MITF: variants seen among roughly 807,000 people sequenced by gnomAD.
MITF encodes the protein microphthalmia-associated transcription factor.
Under a neutral mutation model 60.5 loss-of-function variants are expected in MITF, and 17 were observed. The observed-to-expected ratio is 0.28, with a 90% CI of 0.19 to 0.42. The LOEUF (loss-of-function observed/expected upper bound fraction) is 0.42, where lower values mean the gene tolerates loss of function less well. Ranked by LOEUF, MITF falls within the 10% of genes least tolerant of loss-of-function variation. The probability of loss-of-function intolerance (pLI) is 1.00; values close to 1 mark genes in which losing one functional copy is unlikely to be tolerated. For missense variants in MITF, 622 were observed against 683.5 expected, an observed-to-expected ratio of 0.91 and a Z score of 1.00; for synonymous variants, 260 against 248.5, an observed-to-expected ratio of 1.05 and a Z score of -0.43.
chr3:69,949,440 T>A (rs1441096605), intron 6 of MITF, among the ~76,000 whole-genome samples: 1 of 151,976 alleles, frequency 6.6e-6, no homozygotes, highest in Non-Finnish European at 1.5e-5. Flanking sequence ...GTGTGTGTGG[T>A]GAAGGTCCCC....
At position 69,880,841 on chromosome 3, in the gene MITF, C is replaced by G. The variant is rs75402008; in HGVS notation, c.354+1458C>G. Among the ~76,000 whole-genome samples the G allele has an allele frequency of 8.2e-4, 124 of 151,916 alleles. 1 individual carries two copies. The East Asian group carries it at 0.022, about 27-fold the overall frequency. The stretch of plus-strand genomic sequence containing the variant: ...TATTTTATTCATCATAATAGTTCAC[C>G]TTTATAATCTGTAGGGCAAATTTTA... On this transcript the variant is annotated intron_variant, in intron 2 of 9. Transcript: ENST00000352241.
intron 1 of MITF, among the ~76,000 whole-genome samples, chr3:69,865,946 C>T (rs1309626200): frequency 6.6e-6 from 1 of 152,190 alleles, no homozygotes; most frequent in Non-Finnish European, 1.5e-5. Flanking sequence ...TAATAATGTG[C>T]AGTCTCTGCA....
At chr3:69,796,568 G>A (rs1225539200) in intron 1 of MITF, among the ~76,000 whole-genome samples, 1 of 137,076 alleles carries the variant, frequency 7.3e-6, no homozygotes, top group Admixed American at 7.7e-5. Flanking sequence ...CTGCAGTGGC[G>A]CAATCTCGGC....
chr3:69,756,604 C>T (rs987025485), intron 1 of MITF, among the ~76,000 whole-genome samples: 5 of 152,070 alleles, frequency 3.3e-5, no homozygotes, highest in African/African-American at 1.2e-4. Context: ...TACATGTACA[C>T]GTGTCTTTAT....
At chr3:69,817,029 A>G (rs2063192536) in intron 1 of MITF, among the ~76,000 whole-genome samples, 1 of 152,198 alleles carries the variant, frequency 6.6e-6, no homozygotes, top group Non-Finnish European at 1.5e-5. Flanking sequence ...AGAAAAATTC[A>G]TTGATGACTT....
chr3:69,895,461 A>G (rs1477482141), intron 2 of MITF, among the ~76,000 whole-genome samples: 1 of 152,220 alleles, frequency 6.6e-6, no homozygotes, highest in African/African-American at 2.4e-5. Flanking sequence ...CTTATTCAGA[A>G]TAGATGGCGA....
intron 1 of MITF, among the ~76,000 whole-genome samples, chr3:69,806,432 TC>T (rs1259355375): frequency 5.3e-5 from 8 of 152,134 alleles, no homozygotes; most frequent in Non-Finnish European, 1.2e-4. Context: ...AATGAGGAAT[TC>T]ATTTGATAAT....
At chr3:69,855,274 A>T (rs541595190) in intron 1 of MITF, among the ~76,000 whole-genome samples, 21 of 151,718 alleles carry the variant, frequency 1.4e-4, no homozygotes, top group South Asian at 4.1e-4. Context: ...AAAAAAAAAA[A>T]AAAAACACTT....
chr3:69,748,705 C>A (rs1308830322), intron 1 of MITF, among the ~76,000 whole-genome samples: 1 of 152,234 alleles, frequency 6.6e-6, no homozygotes, highest in East Asian at 1.9e-4. Flanking sequence ...CCTCCCCACC[C>A]TTGCCTCTTC....
At chr3:69,777,124 T>C (rs578184635) in intron 1 of MITF, among the ~76,000 whole-genome samples, 1 of 152,276 alleles carries the variant, frequency 6.6e-6, no homozygotes, top group Admixed American at 6.5e-5. Flanking sequence ...GTGGACAGTT[T>C]TATATTCATG....
intron 8 of MITF, among the ~76,000 whole-genome samples, chr3:69,959,001 C>T (rs1289598385): frequency 1.5e-4 from 2 of 12,988 alleles, no homozygotes; most frequent in Admixed American, 1.0e-3. Flanking sequence ...TGGGGACTTG[C>T]GGGGAAGGGA....
intron 1 of MITF, among the ~76,000 whole-genome samples, chr3:69,867,954 C>A (rs1056560615): frequency 2.0e-5 from 3 of 152,116 alleles, no homozygotes; most frequent in African/African-American, 7.2e-5. Flanking sequence ...CTTTTCTGTG[C>A]GTATTCTTTT....
At chr3:69,755,884 A>G (rs1422191287) in intron 1 of MITF, among the ~76,000 whole-genome samples, 4 of 152,246 alleles carry the variant, frequency 2.6e-5, no homozygotes, top group East Asian at 1.9e-4. Flanking sequence ...CTCCTGTACT[A>G]TGATTATTGC....
chr3:69,874,533 T>C (rs371802413), intron 1 of MITF, among the ~76,000 whole-genome samples: 33 of 152,340 alleles, frequency 2.2e-4, no homozygotes, highest in African/African-American at 9.6e-5. Flanking sequence ...GAGAGGCAGA[T>C]GTATTGCGAA....
chr3:69,812,464 A>G (rs2063116246), intron 1 of MITF, among the ~76,000 whole-genome samples: 1 of 152,140 alleles, frequency 6.6e-6, no homozygotes, highest in Non-Finnish European at 1.5e-5. Context: ...ATAATAAAAT[A>G]TGCCTGAGGG....
intron 1 of MITF, among the ~76,000 whole-genome samples, chr3:69,770,112 T>C (rs1342608570): frequency 1.3e-5 from 2 of 152,228 alleles, no homozygotes; most frequent in African/African-American, 4.8e-5. Flanking sequence ...GGCATAAGTA[T>C]AGAAATAGTT....
At chr3:69,883,329 G>A (rs1351218951) in intron 2 of MITF, among the ~76,000 whole-genome samples, 1 of 152,106 alleles carries the variant, frequency 6.6e-6, no homozygotes, top group Non-Finnish European at 1.5e-5. Context: ...CATTTATTTG[G>A]TGGTTATCTC....
At chr3:69,812,633 T>C (rs2063118298) in intron 1 of MITF, among the ~76,000 whole-genome samples, 1 of 152,336 alleles carries the variant, frequency 6.6e-6, no homozygotes, top group African/African-American at 2.4e-5. Flanking sequence ...TTCAAATATA[T>C]ATTTTTAGAT....
At chr3:69,769,399 A>G in intron 1 of MITF, 1 of 151,938 alleles carries the variant, frequency 6.6e-6, no homozygotes, top group East Asian at 1.9e-4. Context: ...AAAAATTATT[A>G]TTTTTTGACT....
Sources: allele counts gnomAD v4.1 joint callset (sites outside exome capture counted in the v4.1 genomes callset), GRCh38; gene constraint gnomAD v4.1.1; transcripts MANE v1.5; gene names NCBI Gene and HGNC (gene_info 2026-07-23, HGNC 2026-07-21).